Variants in CELF2 observed in about 807,000 individuals in gnomAD.
CELF2 encodes the protein CUGBP Elav-like family member 2.
CELF2 carries 8 observed loss-of-function variants against 62.6 expected under a neutral mutation model. The observed-to-expected ratio is 0.13, with a 90% CI of 0.07 to 0.23. CELF2 has a LOEUF of 0.23. CELF2 is among the 10% of genes least tolerant of loss of function. CELF2 has a pLI of 1.00. For missense variants in CELF2, 333 were observed against 671.0 expected, an observed-to-expected ratio of 0.50 and a Z score of 5.56; for synonymous variants, 258 against 250.0, an observed-to-expected ratio of 1.03 and a Z score of -0.30.
intron 1 of CELF2, among the ~76,000 whole-genome samples, chr10:11,036,044 T>A (rs2060894781): frequency 6.6e-6 from 1 of 152,224 alleles, no homozygotes; most frequent in East Asian, 1.9e-4. Flanking sequence ...GTTGTACAGC[T>A]AATTCAAACT....
At chr10:11,088,909 A>C (rs1312412006) in intron 1 of CELF2, among the ~76,000 whole-genome samples, 1 of 152,190 alleles carries the variant, frequency 6.6e-6, no homozygotes, top group African/African-American at 2.4e-5. Context: ...GTGTTACCAG[A>C]AAACTGGGCT....
intron 1 of CELF2, among the ~76,000 whole-genome samples, chr10:11,109,610 C>T (rs1409556721): frequency 6.6e-6 from 1 of 152,190 alleles, no homozygotes; most frequent in Admixed American, 6.5e-5. Context: ...CACAGCTAGG[C>T]ACTCTCTGAA....
chr10:11,020,436 G>A (rs2058126703), intron 1 of CELF2, among the ~76,000 whole-genome samples: 1 of 152,120 alleles, frequency 6.6e-6, no homozygotes, highest in Non-Finnish European at 1.5e-5. Flanking sequence ...GTGTGTGGGG[G>A]GGAATATGAC....
At chr10:10,583,458 T>C in the CELF2 span, among the ~76,000 whole-genome samples, 8 of 152,156 alleles carry the variant, frequency 5.3e-5, no homozygotes, top group Non-Finnish European at 1.0e-4. Context: ...AAGTGGTCTC[T>C]CAATGCCCCA....
chr10:10,800,985 A>G (rs1179001175), intron 1 of CELF2, among the ~76,000 whole-genome samples: 1 of 152,196 alleles, frequency 6.6e-6, no homozygotes, highest in Non-Finnish European at 1.5e-5. Context: ...TGTAGCTCTA[A>G]GAATGTATAT....
chr10:10,574,872 G>GCTTTTTTTTTTTTTTTTT, the CELF2 span, among the ~76,000 whole-genome samples: 2 of 105,980 alleles, frequency 1.9e-5, 1 homozygote, highest in Non-Finnish European at 4.0e-5. Flanking sequence ...ACCATGCCTG[G>GCTTTTTTTTTTTTTTTTT]TTTTTTTTTT....
At chr10:10,560,323 T>G in the CELF2 span, among the ~76,000 whole-genome samples, 2 of 152,364 alleles carry the variant, frequency 1.3e-5, no homozygotes, top group South Asian at 4.1e-4. Context: ...ATGTAGAATG[T>G]AAGTTTTCAT....
At chr10:11,129,815 A>T (rs189028614) in intron 1 of CELF2, among the ~76,000 whole-genome samples, 312 of 152,256 alleles carry the variant, frequency 2.0e-3, no homozygotes, top group African/African-American at 7.2e-3. Context: ...TGATCTTTTC[A>T]AAAAACCAGC....
chr10:11,320,491 C>T (rs1379560524), intron 10 of CELF2, among the ~76,000 whole-genome samples: 1 of 152,234 alleles, frequency 6.6e-6, no homozygotes, highest in African/African-American at 2.4e-5. Context: ...GAACGAGTAG[C>T]TTCAGCTCTC....
the CELF2 span, among the ~76,000 whole-genome samples, chr10:10,471,871 G>T: frequency 2.3e-4 from 35 of 151,780 alleles, no homozygotes; most frequent in African/African-American, 7.7e-4. Context: ...ACTAAGCATA[G>T]AATTAATTAT....
intron 1 of CELF2, among the ~76,000 whole-genome samples, chr10:11,143,073 T>C (rs1448517771): frequency 6.6e-6 from 1 of 151,806 alleles, no homozygotes; most frequent in East Asian, 1.9e-4. Context: ...CCCCTCGTGA[T>C]TCTTCTGTCC....
the CELF2 span, among the ~76,000 whole-genome samples, chr10:10,748,509 GAGGCTA>G: frequency 6.6e-6 from 1 of 152,064 alleles, no homozygotes; most frequent in Non-Finnish European, 1.5e-5. Flanking sequence ...AGCACTTTGG[GAGGCTA>G]AGGTGGGCGG....
chr10:10,831,414 A>G (rs7904961), intron 1 of CELF2, among the ~76,000 whole-genome samples: 112,751 of 152,190 alleles, frequency 0.74, 42,263 homozygotes, highest in African/African-American at 0.86. Context: ...TTGTGTGTCA[A>G]CTTCCTGTGA....
chr10:11,275,701 CAA>C (rs1244394177), intron 8 of CELF2, among the ~76,000 whole-genome samples: 2 of 152,144 alleles, frequency 1.3e-5, no homozygotes, highest in African/African-American at 4.8e-5. Context: ...TGGAGAAAAT[CAA>C]AGTGTGACTG....
chr10:11,326,041 G>A lies in CELF2; in HGVS notation c.1438+62G>A, dbSNP rs1053853073. The stretch of plus-strand genomic sequence containing the variant: ...GTTCCCAAGTGAAGAGTCGTGGGAA[G>A]GAAAATGTGAGACAGTTTCAGCCAG... On this transcript the variant is annotated intron_variant, in intron 12 of 12. Coordinates refer to ENST00000633077, the MANE Select transcript of CELF2 (RefSeq NM_001326342.2). 5 of 1,501,678 alleles carry A rather than the reference G, an allele frequency of 3.3e-6. No homozygotes were observed. In the South Asian group the frequency reaches 5.1e-5, roughly 15 times the overall value. 93.0% of individuals were successfully genotyped at this position (1,501,678 alleles called of 1,614,324 possible).
chr10:10,490,572 G>C, the CELF2 span, among the ~76,000 whole-genome samples: 2 of 152,042 alleles, frequency 1.3e-5, no homozygotes, highest in South Asian at 2.1e-4. Flanking sequence ...TCTGGTTGGG[G>C]GGGGGTGGAG....
rs1056296490 is a variant in CELF2 at position 10,954,538 on chromosome 10, A to G, written c.89+34539A>G. 5.3e-5 allele frequency among the ~76,000 whole-genome samples: 8 copies of G among 152,176 alleles called. No individual in the cohort carries two copies. In the East Asian group the frequency reaches 9.7e-4, roughly 18 times the overall value. On this transcript the variant is annotated intron_variant, in intron 2 of 13. Coordinates refer to the CELF2 transcript ENST00000636488. ...TGGGATTACAGGCGTGAGCCACCGC[A>G]CCTGGCCAATTTGGCAACTTCTAAC...
the CELF2 span, among the ~76,000 whole-genome samples, chr10:10,605,386 T>C: frequency 1.3e-5 from 2 of 152,176 alleles, no homozygotes; most frequent in Non-Finnish European, 2.9e-5. Context: ...CGTTTACATA[T>C]GTAACAAACC....
chr10:11,119,870 C>CG (rs894881797), intron 1 of CELF2, among the ~76,000 whole-genome samples: 10 of 133,264 alleles, frequency 7.5e-5, no homozygotes, highest in Admixed American at 1.5e-4. Context: ...CGCCTCCCCC[C>CG]CCCCGGCCCC....
Sources: gnomAD v4.1 joint callset for allele counts (sites outside exome capture counted in the v4.1 genomes callset) on GRCh38, gnomAD v4.1.1 for gene constraint, MANE v1.5 for transcripts, NCBI Gene and HGNC (gene_info 2026-07-23, HGNC 2026-07-21) for gene names.